The following HS6ST3 variants were observed in gnomAD, a reference collection of about 807,000 sequenced individuals.
HS6ST3 encodes the protein heparan-sulfate 6-O-sulfotransferase 3.
HS6ST3 carries 12 observed loss-of-function variants against 36.7 expected under a neutral mutation model. The observed-to-expected ratio is 0.33, with a 90% CI of 0.21 to 0.53. HS6ST3 has a LOEUF of 0.53. Ranked by LOEUF, HS6ST3 falls within the 20% of genes least tolerant of loss-of-function variation. HS6ST3 has a pLI of 0.95. For synonymous variants in HS6ST3, 240 were observed against 257.5 expected (o/e 0.93, Z 0.65); for missense variants, 584 against 640.9 (o/e 0.91, Z 0.96).
intron 1 of HS6ST3, among the ~76,000 whole-genome samples, chr13:96,528,230 A>G (rs903835770): frequency 2.0e-5 from 3 of 152,226 alleles, no homozygotes; most frequent in Admixed American, 2.0e-4. Flanking sequence ...CGTGTTTTTC[A>G]TGGAACACTG....
chr13:96,553,146 A>G (rs1360819387), intron 1 of HS6ST3, among the ~76,000 whole-genome samples: 1 of 152,114 alleles, frequency 6.6e-6, no homozygotes, highest in Admixed American at 6.6e-5. Flanking sequence ...CCCCACATGC[A>G]CAGTTTGTTT....
intron 1 of HS6ST3, among the ~76,000 whole-genome samples, chr13:96,101,009 C>T (rs1363753695): frequency 1.3e-5 from 2 of 152,132 alleles, no homozygotes; most frequent in African/African-American, 4.8e-5. Context: ...AAGGGCCGCT[C>T]TCCAAAGGAA....
chr13:96,173,315 T>C (rs979971352), intron 1 of HS6ST3, among the ~76,000 whole-genome samples: 2 of 152,128 alleles, frequency 1.3e-5, no homozygotes, highest in Non-Finnish European at 2.9e-5. Context: ...GCAAAGATCC[T>C]TCCTAGGATT....
At position 96,730,731 on chromosome 13, in the gene HS6ST3, C is replaced by T. The variant is rs944855496; in HGVS notation, c.708-101759C>T. Among the ~76,000 whole-genome samples, 3 of 151,552 alleles carry T rather than the reference C, an allele frequency of 2.0e-5. No homozygotes were observed. In the East Asian group the frequency reaches 5.9e-4, roughly 30 times the overall value. On this transcript the variant is annotated intron_variant, in intron 1 of 1. Transcript: ENST00000376705. ...CACAGACACAGGCCACCAAACTTAG[C>T]GAATTTTTTAAATTTTTGTAGAGAT...
At chr13:96,399,965 A>G (rs1033224087) in intron 1 of HS6ST3, among the ~76,000 whole-genome samples, 13 of 152,112 alleles carry the variant, frequency 8.5e-5, no homozygotes, top group Admixed American at 6.6e-5. Flanking sequence ...CCAGAACCCA[A>G]AGTTTTTTTT....
chr13:96,396,008 C>T (rs745641872), intron 1 of HS6ST3, among the ~76,000 whole-genome samples: 6 of 152,108 alleles, frequency 3.9e-5, no homozygotes, highest in Non-Finnish European at 7.4e-5. Context: ...TGATACCTAC[C>T]TCCATGTTTA....
intron 1 of HS6ST3, among the ~76,000 whole-genome samples, chr13:96,409,229 A>G (rs957745506): frequency 6.6e-6 from 1 of 152,232 alleles, no homozygotes. Flanking sequence ...TCAAATTTGT[A>G]TAAGAATCCT....
At chr13:96,436,613 C>T (rs1236415250) in intron 1 of HS6ST3, among the ~76,000 whole-genome samples, 1 of 152,122 alleles carries the variant, frequency 6.6e-6, no homozygotes, top group Non-Finnish European at 1.5e-5. Context: ...AGTCCTAATC[C>T]AACCTGACTA....
chr13:96,542,861 C>A (rs545592764), intron 1 of HS6ST3, among the ~76,000 whole-genome samples: 1 of 152,188 alleles, frequency 6.6e-6, no homozygotes, highest in Non-Finnish European at 1.5e-5. Context: ...TTCAACCTAT[C>A]TTTGTAGCCA....
At chr13:96,434,524 C>T (rs1252500060) in intron 1 of HS6ST3, among the ~76,000 whole-genome samples, 1 of 151,906 alleles carries the variant, frequency 6.6e-6, no homozygotes, top group Non-Finnish European at 1.5e-5. Flanking sequence ...AGTTCAGGTT[C>T]ACCCAAAGTT....
intron 1 of HS6ST3, among the ~76,000 whole-genome samples, chr13:96,456,961 T>C (rs1420946989): frequency 6.6e-6 from 1 of 152,126 alleles, no homozygotes; most frequent in Non-Finnish European, 1.5e-5. Context: ...GAACTTTTAC[T>C]ATAGCAATCC....
intron 1 of HS6ST3, among the ~76,000 whole-genome samples, chr13:96,412,014 C>A (rs541420312): frequency 6.6e-6 from 1 of 150,832 alleles, no homozygotes; most frequent in East Asian, 1.9e-4. Context: ...TTTTTCTTTC[C>A]TTTTTTTTTG....
intron 1 of HS6ST3, among the ~76,000 whole-genome samples, chr13:96,519,523 A>G (rs1356326860): frequency 6.6e-6 from 1 of 152,202 alleles, no homozygotes; most frequent in Non-Finnish European, 1.5e-5. Flanking sequence ...TTGGATTCCA[A>G]CAATAGGGCT....
chr13:96,391,348 C>G (rs912281303), intron 1 of HS6ST3, among the ~76,000 whole-genome samples: 1 of 152,088 alleles, frequency 6.6e-6, no homozygotes, highest in African/African-American at 2.4e-5. Flanking sequence ...AAAATGTGTC[C>G]TGCATACTAA....
chr13:96,810,307 G>A lies in HS6ST3; in HGVS notation c.708-22183G>A, dbSNP rs535206433. 2.0e-5 allele frequency among the ~76,000 whole-genome samples: 3 copies of A among 152,302 alleles called. No homozygotes were observed. The South Asian group carries it at 6.2e-4, about 32-fold the overall frequency. On this transcript the variant is annotated intron_variant, in intron 1 of 1. Transcript: ENST00000376705. ...AAGTTTCTTATCTTTCCTTCAGAAAGGGAGGGAGATGAAGGGGTAGAAGAG... is the reference window on the plus strand; with the variant it reads ...AAGTTTCTTATCTTTCCTTCAGAAAAGGAGGGAGATGAAGGGGTAGAAGAG...
At chr13:96,187,672 A>G (rs2054270716) in intron 1 of HS6ST3, among the ~76,000 whole-genome samples, 1 of 152,158 alleles carries the variant, frequency 6.6e-6, no homozygotes. Context: ...CTCTAAATGT[A>G]TTATTTATGG....
rs116560395 is a variant in HS6ST3, at chr13:96,227,325, C to T, written c.707+135756C>T. Among the ~76,000 whole-genome samples, 967 of 152,226 alleles carry T rather than the reference C, an allele frequency of 6.4e-3. 13 individuals carry two copies. Among genetic ancestry groups the T allele is most frequent in the African/African-American group, 0.022 (932 of 41,540 alleles). On this transcript the variant is annotated intron_variant, in intron 1 of 1. Coordinates refer to ENST00000376705, the MANE Select transcript of HS6ST3 (RefSeq NM_153456.4). The stretch of plus-strand genomic sequence containing the variant: ...AACAGGTGTCATTTTGATAAATGGT[C>T]CTAATTAAGCTGAGATATAAAGTAG...
chr13:96,627,279 C>T (rs77577051), intron 1 of HS6ST3, among the ~76,000 whole-genome samples: 329 of 152,056 alleles, frequency 2.2e-3, no homozygotes, highest in African/African-American at 7.3e-3. Context: ...TGTGCATCTG[C>T]GTAAACGATC....
chr13:96,165,666 G>A (rs904866943), intron 1 of HS6ST3, among the ~76,000 whole-genome samples: 1 of 152,198 alleles, frequency 6.6e-6, no homozygotes, highest in East Asian at 1.9e-4. Context: ...CTGGGAAAGA[G>A]ACCTGTGGTA....
Sources: allele counts gnomAD v4.1 joint callset (sites outside exome capture counted in the v4.1 genomes callset), GRCh38; gene constraint gnomAD v4.1.1; transcripts MANE v1.5; gene names NCBI Gene and HGNC (gene_info 2026-07-23, HGNC 2026-07-21).